The following IP6K3 variants were observed in gnomAD, a reference collection of about 807,000 sequenced individuals.
The protein encoded by IP6K3 is ATP:1D-myo-inositol-hexakisphosphate phosphotransferase.
IP6K3 carries 20 observed loss-of-function variants against 28.8 expected under a neutral mutation model. The observed-to-expected ratio is 0.70, with a 90% CI of 0.49 to 1.01. The LOEUF is 1.01. IP6K3 is among the 50% of genes least tolerant of loss of function. The pLI, the probability that IP6K3 is intolerant of heterozygous loss-of-function variation, is 0.00. For missense variants in IP6K3, 480 were observed against 537.1 expected (o/e 0.89, Z 1.05); for synonymous variants, 213 against 221.3 (o/e 0.96, Z 0.33).
chr6:33,748,885 C>T (rs925916493), upstream of IP6K3, among the ~76,000 whole-genome samples: 2 of 152,076 alleles, frequency 1.3e-5, no homozygotes, highest in South Asian at 4.1e-4. Flanking sequence ...CTCCCTGCCC[C>T]CTGACTCCCC....
At chr6:33,759,211 G>A in the IP6K3 span, among the ~76,000 whole-genome samples, 1 of 152,200 alleles carries the variant, frequency 6.6e-6, no homozygotes, top group African/African-American at 2.4e-5. Context: ...CTGGGGCTGG[G>A]GAAGGGACAG....
upstream of IP6K3, among the ~76,000 whole-genome samples, chr6:33,751,319 C>T (rs994010191): frequency 2.0e-5 from 3 of 152,184 alleles, no homozygotes; most frequent in Non-Finnish European, 2.9e-5. The surrounding 1 kb of genome is among the most constrained non-coding windows in gnomAD (Gnocchi z 4.3). Flanking sequence ...GTAGAAGGGC[C>T]GGCCCAGACC....
the IP6K3 span, among the ~76,000 whole-genome samples, chr6:33,755,401 G>A: frequency 6.6e-6 from 1 of 152,360 alleles, no homozygotes; most frequent in Non-Finnish European, 1.5e-5. Context: ...AGGCAGTGCC[G>A]GGAAGGGCAG....
At position 33,726,811 on chromosome 6, in the gene IP6K3, C is replaced by T. The variant is rs199838681; in HGVS notation, c.509G>A (p.Ser170Asn). The change falls in exon 4 of 6, where the codon AGC becomes AAC. Residue 170 changes from serine (S) to asparagine (N), a missense_variant. Ser to Asn is a conservative substitution (Grantham distance 46). Transcript: ENST00000293756. ...DTNGNQVERK[S>N]FNPWGLQCHQ... The stretch of plus-strand genomic sequence containing the variant: ...GCATTGCAGGCCCCACGGGTTGAAG[C>T]TCTTCCTCTCAACCTGGTTTCCGTT... The T allele has an allele frequency of 2.6e-4, 423 of 1,613,450 alleles. 1 individual carries two copies. The East Asian group carries it at 8.9e-3, about 34-fold the overall frequency.
intron 4 of IP6K3, 28 bp from the exon 5 acceptor site, chr6:33,725,644 T>G (rs992598730): frequency 1.2e-6 from 2 of 1,601,234 alleles, no homozygotes; most frequent in Non-Finnish European, 1.7e-6. Context: ...AGGAAGGCTC[T>G]GAGGACTTCA....
chr6:33,736,391 T>G (rs2127359753), intron 1 of IP6K3, among the ~76,000 whole-genome samples: 1 of 152,044 alleles, frequency 6.6e-6, no homozygotes, highest in Non-Finnish European at 1.5e-5. Flanking sequence ...ACGGGAGTGC[T>G]TGCTTGCTTG....
In IP6K3 at chr6:33,725,545, G is replaced by A. The variant is rs773391428; in HGVS notation, c.661C>T (p.Arg221Trp). ...TCCGATGCATCATCGCCGTGCTGCC[G>A]GGTCCCCATCTTCAGATCCAGGACA... ...PCVLDLKMGT[R>W]QHGDDASEEK... Residue 221 changes from arginine to tryptophan, a missense_variant, in exon 5 of 6, where the codon CGG becomes TGG. Physicochemically the swap from Arg to Trp is moderately radical, Grantham distance 101 (BLOSUM62 -3). Coordinates refer to ENST00000293756, the MANE Select transcript of IP6K3 (RefSeq NM_054111.5). 13 of 1,613,984 alleles carry A rather than the reference G, an allele frequency of 8.1e-6. No homozygotes were observed. Among genetic ancestry groups the A allele is most frequent in the East Asian group, 2.2e-5 (1 of 44,894 alleles).
chr6:33,753,540 GC>G, the IP6K3 span, among the ~76,000 whole-genome samples: 97 of 152,270 alleles, frequency 6.4e-4, no homozygotes, highest in African/African-American at 2.1e-3. Flanking sequence ...ATCCACAAAG[GC>G]CCAGAGGCCT....
In IP6K3 at chr6:33,746,466, G is replaced by A. The variant is rs145647404; in HGVS notation, c.-180+292C>T. On this transcript the variant is annotated intron_variant, in intron 1 of 5. Coordinates refer to ENST00000293756, the MANE Select transcript of IP6K3 (RefSeq NM_054111.5). The surrounding 1 kb of genome is among the most constrained non-coding windows in gnomAD (Gnocchi z 6.5). Reference sequence around the variant, plus strand: ...AGAGGGCTCCAGGCACCCCTGGAAGGGGAGGGGTGGAATTCCCCTGGGAGA... The same window carrying A: ...AGAGGGCTCCAGGCACCCCTGGAAGAGGAGGGGTGGAATTCCCCTGGGAGA... The A allele has an allele frequency of 6.6e-6, 1 of 152,466 alleles. No homozygotes were observed. 9.4% of individuals were successfully genotyped at this position (152,466 alleles called of 1,614,324 possible).
rs1316036211 is a variant in IP6K3, at chr6:33,723,093, A to G, written c.860T>C (p.Phe287Ser). 1 of 1,614,036 alleles carries G rather than the reference A, an allele frequency of 6.2e-7. No individual in the cohort carries two copies. The highest frequency in any genetic ancestry group is 2.2e-5 in the East Asian group (1 of 44,900). Residue 287 changes from phenylalanine (F) to serine (S), a missense_variant, in exon 6 of 6, where the codon TTC becomes TCC. Phe to Ser is a radical substitution (Grantham distance 155). Coordinates refer to ENST00000293756, the MANE Select transcript of IP6K3 (RefSeq NM_054111.5). ...VEGFRQALYQFLHNGSHLRRE... is the reference protein window; with the variant it reads ...VEGFRQALYQSLHNGSHLRRE... Reference sequence around the variant, plus strand: ...CCGGAGGTGGCTTCCATTATGTAGGAACTGATAGAGGGCTTGTCTGAACCC... The same window carrying G: ...CCGGAGGTGGCTTCCATTATGTAGGGACTGATAGAGGGCTTGTCTGAACCC...
Position 33,728,120 on chromosome 6 carries a change from G to C in IP6K3, c.380C>G (p.Pro127Arg). ...GGGTGAGCGTGCCAGCTGGGCATGC[G>C]GCCACTGGGCAAGGGTGCAGTCGCT... ...NGSDCTLAQWPHAQLARSPKE... is the reference protein window; with the variant it reads ...NGSDCTLAQWRHAQLARSPKE... The change falls in exon 3 of 6, where the codon CCG (proline) becomes CGG (arginine). Residue 127 changes from proline (P) to arginine (R), a missense_variant. By Grantham distance (103) the Pro-to-Arg change is moderately radical. Coordinates refer to ENST00000293756, the MANE Select transcript of IP6K3 (RefSeq NM_054111.5). 6.2e-7 allele frequency: 1 copy of C among 1,607,824 alleles called. No homozygotes were observed. Among genetic ancestry groups the C allele is most frequent in the African/African-American group, 1.3e-5 (1 of 75,040 alleles).
In IP6K3 at chr6:33,735,494, G is replaced by T; in HGVS notation, c.-18C>A. Reference sequence around the variant, plus strand: ...ACAACCATGGCGGCAGATGGTGGTGGTGGGGGGTCCCTGCACAGTCTGCTA... The same window carrying T: ...ACAACCATGGCGGCAGATGGTGGTGTTGGGGGGTCCCTGCACAGTCTGCTA... On this transcript the variant is annotated 5_prime_UTR_variant, in exon 2 of 6. Coordinates refer to ENST00000293756, the MANE Select transcript of IP6K3 (RefSeq NM_054111.5). 6.2e-7 allele frequency: 1 copy of T among 1,604,298 alleles called. No individual in the cohort carries two copies.
At chr6:33,741,597 G>T (rs1231627462) in intron 1 of IP6K3, among the ~76,000 whole-genome samples, 2 of 122,700 alleles carry the variant, frequency 1.6e-5, no homozygotes, top group Non-Finnish European at 3.2e-5. Context: ...AGTGAGCCAA[G>T]ATCATGTCAT....
intron 2 of IP6K3, among the ~76,000 whole-genome samples, chr6:33,729,592 T>C (rs1766245804): frequency 6.6e-6 from 1 of 152,252 alleles, no homozygotes; most frequent in Non-Finnish European, 1.5e-5. Flanking sequence ...TGTTCCTCTG[T>C]GGCCCTCCTG....
the IP6K3 span, among the ~76,000 whole-genome samples, chr6:33,759,109 T>C: frequency 6.6e-6 from 1 of 152,112 alleles, no homozygotes; most frequent in Admixed American, 6.5e-5. Flanking sequence ...CTTTGCTAAG[T>C]CAATAGATAA....
chr6:33,738,152 GT>G (rs1287665236), intron 1 of IP6K3, among the ~76,000 whole-genome samples: 1 of 152,088 alleles, frequency 6.6e-6, no homozygotes, highest in Non-Finnish European at 1.5e-5. Context: ...CAGCTGACCT[GT>G]CCCCAGGCAG....
intron 1 of IP6K3, among the ~76,000 whole-genome samples, chr6:33,735,930 T>C (rs1766507635): frequency 6.6e-6 from 1 of 152,184 alleles, no homozygotes; most frequent in Non-Finnish European, 1.5e-5. Context: ...TGCAGTGGCA[T>C]GATCTTGGCT....
In IP6K3 at chr6:33,728,102, C is replaced by T. The variant is rs141293423; in HGVS notation, c.398G>A (p.Arg133His). The T allele has an allele frequency of 2.6e-5, 42 of 1,604,760 alleles. No homozygotes were observed. Among genetic ancestry groups the T allele is most frequent in the African/African-American group, 1.6e-4 (12 of 74,926 alleles). ...GTGCCCTCACCTCTCCTTGGGTGAG[C>T]GTGCCAGCTGGGCATGCGGCCACTG... Reference protein sequence around the residue: ...LAQWPHAQLARSPKESPAKAL... With the variant: ...LAQWPHAQLAHSPKESPAKAL... The change falls in exon 3 of 6, where the codon CGC becomes CAC. Residue 133 changes from arginine to histidine, a missense_variant. Transcript: ENST00000293756.
At chr6:33,725,156 G>C (rs1440083694) in intron 5 of IP6K3, among the ~76,000 whole-genome samples, 1 of 151,538 alleles carries the variant, frequency 6.6e-6, no homozygotes, top group Non-Finnish European at 1.5e-5. Context: ...ATGAACCCGG[G>C]AGGCGGAGGT....
Sources: allele counts gnomAD v4.1 joint callset (sites outside exome capture counted in the v4.1 genomes callset), GRCh38; gene constraint gnomAD v4.1.1; non-coding constraint Gnocchi (gnomAD v3.1); transcripts MANE v1.5; gene names NCBI Gene and HGNC (gene_info 2026-07-23, HGNC 2026-07-21).